Variants in PRKCH observed in about 807,000 individuals in gnomAD.
The protein encoded by PRKCH is protein kinase C eta type.
PRKCH carries 28 observed loss-of-function variants against 82.5 expected under a neutral mutation model. The ratio of observed to expected loss-of-function variants is 0.34; its 90% CI spans 0.25 to 0.47. The LOEUF is 0.47. PRKCH is among the 20% of genes least tolerant of loss of function. PRKCH has a pLI of 1.00. For synonymous variants in PRKCH, 322 were observed against 327.4 expected, an observed-to-expected ratio of 0.98 and a Z score of 0.18; for missense variants, 705 against 881.8, an observed-to-expected ratio of 0.80 and a Z score of 2.54.
intron 1 of PRKCH, among the ~76,000 whole-genome samples, chr14:61,255,050 G>T (rs1175878750): frequency 1.3e-5 from 2 of 152,198 alleles, no homozygotes; most frequent in Admixed American, 1.3e-4. Context: ...CTCTCAAAGG[G>T]ACCCTTCAAG....
At chr14:61,271,345 G>T (rs1350231580) in intron 1 of PRKCH, among the ~76,000 whole-genome samples, 2 of 152,164 alleles carry the variant, frequency 1.3e-5, no homozygotes, top group Admixed American at 1.3e-4. Flanking sequence ...CCAAGTCACT[G>T]AAGCTTTCCA....
chr14:61,514,367 A>G (rs977039362), intron 10 of PRKCH, among the ~76,000 whole-genome samples: 1 of 151,830 alleles, frequency 6.6e-6, no homozygotes, highest in Non-Finnish European at 1.5e-5. Flanking sequence ...TAAGCCAAAC[A>G]TGAGCAGGCA....
chr14:61,526,612 C>T (rs553282525), intron 10 of PRKCH, among the ~76,000 whole-genome samples: 11 of 152,360 alleles, frequency 7.2e-5, no homozygotes, highest in African/African-American at 2.4e-4. Context: ...AAGCCAGCAA[C>T]GTGATCCAGG....
At chr14:61,319,418 G>C (rs1304180599), upstream of PRKCH, among the ~76,000 whole-genome samples, 1 of 152,078 alleles carries the variant, frequency 6.6e-6, no homozygotes, top group Non-Finnish European at 1.5e-5. Context: ...AGGAGGGCAG[G>C]CACCATGGCT....
intron 2 of PRKCH, among the ~76,000 whole-genome samples, chr14:61,417,287 C>T (rs1882608494): frequency 6.6e-6 from 1 of 152,198 alleles, no homozygotes; most frequent in African/African-American, 2.4e-5. Context: ...ACCGTCATTA[C>T]TTTCCCTCTT....
Position 61,547,691 on chromosome 14 carries a change from G to A in PRKCH, c.1762-52G>A, listed in dbSNP as rs376555964. 2,639 of 1,580,726 alleles carry A rather than the reference G, an allele frequency of 1.7e-3. 7 individuals carry two copies. The highest frequency in any genetic ancestry group is 2.0e-3 in the Non-Finnish European group (2,346 of 1,159,800). On this transcript the variant is annotated intron_variant, in intron 12 of 13. Transcript: ENST00000332981. ...TGGCTGATGCCTGCTGTCTTGTGAC[G>A]TGCTGGTTGTATGTGAATGAATGAT...
At chr14:61,309,940 A>AAG (rs56796288) in intron 1 of PRKCH, among the ~76,000 whole-genome samples, 122,775 of 151,776 alleles carry the variant, frequency 0.81, 50,083 homozygotes, top group East Asian at 0.86. Flanking sequence ...GGTGGCAGGC[A>AAG]AGAGAGAGTG....
At chr14:61,542,372 A>T (rs1037480971) in intron 12 of PRKCH, among the ~76,000 whole-genome samples, 3 of 16,444 alleles carry the variant, frequency 1.8e-4, no homozygotes, top group African/African-American at 2.8e-4. Flanking sequence ...TCTGTCAGGA[A>T]AAAAAAAAAA....
rs745827035 is a variant in PRKCH, at chr14:61,280,795, T to C, written c.-19+93127T>C. 1.2e-5 allele frequency: 19 copies of C among 1,558,532 alleles called. No homozygotes were observed. Among genetic ancestry groups the C allele is most frequent in the African/African-American group, 4.1e-5 (3 of 73,786 alleles). On this transcript the variant is annotated intron_variant, in intron 1 of 3. Transcript: ENST00000555185. The surrounding 1 kb of genome is among the most constrained non-coding windows in gnomAD (Gnocchi z 5.0). The stretch of plus-strand genomic sequence containing the variant: ...CACGCCGTAGCGCCGGTTGTTCTGG[T>C]AGAAGTTGGTCAGCTCGTAGTAGAG...
chr14:61,523,419 G>A (rs1429383513), intron 10 of PRKCH, among the ~76,000 whole-genome samples: 3 of 152,132 alleles, frequency 2.0e-5, no homozygotes, highest in East Asian at 1.9e-4. Flanking sequence ...GGGATTGGCC[G>A]GTGACACTGC....
intron 2 of PRKCH, among the ~76,000 whole-genome samples, chr14:61,414,461 C>G (rs1324179799): frequency 6.6e-6 from 1 of 151,826 alleles, no homozygotes; most frequent in Non-Finnish European, 1.5e-5. Context: ...TTGATAGAGT[C>G]GAGGTTTCAC....
chr14:61,374,577 C>T (rs1176051696), intron 1 of PRKCH, among the ~76,000 whole-genome samples: 1 of 152,042 alleles, frequency 6.6e-6, no homozygotes, highest in Non-Finnish European at 1.5e-5. Flanking sequence ...TTCTGTACAC[C>T]CACAGGCCCA....
intron 9 of PRKCH, among the ~76,000 whole-genome samples, chr14:61,473,993 TA>T (rs34413028): frequency 0.29 from 42,408 of 145,220 alleles, 6,070 homozygotes; most frequent in South Asian, 0.45. Flanking sequence ...GACTCTGTCT[TA>T]AAAAAAAAAA....
intron 10 of PRKCH, among the ~76,000 whole-genome samples, chr14:61,496,850 G>C (rs952684345): frequency 4.6e-5 from 7 of 152,160 alleles, no homozygotes; most frequent in Admixed American, 2.0e-4. Context: ...CTACGAGCCA[G>C]GCTCTATTCT....
intron 1 of PRKCH, among the ~76,000 whole-genome samples, chr14:61,385,158 T>G (rs979885422): frequency 1.3e-5 from 2 of 152,082 alleles, no homozygotes; most frequent in Admixed American, 6.5e-5. Context: ...ATAGTAAGAA[T>G]GCTAAGTGTG....
At chr14:61,348,663 TCA>T (rs1380900531) in intron 1 of PRKCH, among the ~76,000 whole-genome samples, 2 of 152,248 alleles carry the variant, frequency 1.3e-5, no homozygotes, top group Non-Finnish European at 2.9e-5. Flanking sequence ...TTCTCTCCTG[TCA>T]CAGTCACCAA....
chr14:61,253,516 G>T (rs753063437), intron 1 of PRKCH, among the ~76,000 whole-genome samples: 1 of 152,114 alleles, frequency 6.6e-6, no homozygotes, highest in Non-Finnish European at 1.5e-5. Flanking sequence ...CTTCACTGGG[G>T]TGGGGGGCAG....
At chr14:61,533,720 G>A (rs1464558790) in intron 12 of PRKCH, among the ~76,000 whole-genome samples, 1 of 152,236 alleles carries the variant, frequency 6.6e-6, no homozygotes, top group South Asian at 2.1e-4. Flanking sequence ...CTACTGCGTG[G>A]TTGGCATGAG....
intron 2 of PRKCH, among the ~76,000 whole-genome samples, chr14:61,396,750 G>A (rs1005131592): frequency 2.0e-5 from 3 of 152,182 alleles, no homozygotes; most frequent in Admixed American, 6.5e-5. Context: ...GGAGTGTGGA[G>A]GTGCTAAAGG....
Sources: gnomAD v4.1 joint callset for allele counts (sites outside exome capture counted in the v4.1 genomes callset) on GRCh38, gnomAD v4.1.1 for gene constraint, Gnocchi (gnomAD v3.1) non-coding constraint, MANE v1.5 for transcripts, NCBI Gene and HGNC (gene_info 2026-07-23, HGNC 2026-07-21) for gene names.